Variants in CDC42BPB observed in about 807,000 individuals in gnomAD.
CDC42BPB encodes CDC42 binding protein kinase beta, also known as serine/threonine-protein kinase MRCK beta.
A neutral mutation model predicts 214.9 loss-of-function variants in CDC42BPB; 37 were observed. That is an observed-to-expected ratio of 0.17 (90% CI 0.13 to 0.23). CDC42BPB has a LOEUF of 0.23. Ranked by LOEUF, CDC42BPB falls within the 10% of genes least tolerant of loss-of-function variation. The probability of loss-of-function intolerance (pLI) is 1.00; values close to 1 mark genes in which losing one functional copy is unlikely to be tolerated. For synonymous variants in CDC42BPB, 931 were observed against 884.0 expected (o/e 1.05, Z -0.94); for missense variants, 1,694 against 2,227.0 (o/e 0.76, Z 4.82).
intron 27 of CDC42BPB, among the ~76,000 whole-genome samples, 179 bp downstream of exon 27, chr14:102,947,542 A>G (rs1202026067): frequency 1.3e-5 from 2 of 152,120 alleles, no homozygotes; most frequent in Non-Finnish European, 2.9e-5. Context: ...GCTCCCCGAG[A>G]CGGGCACAGG....
intron 1 of CDC42BPB, among the ~76,000 whole-genome samples, chr14:103,037,564 T>C (rs920089069): frequency 2.0e-5 from 3 of 152,228 alleles, no homozygotes; most frequent in Non-Finnish European, 4.4e-5. Flanking sequence ...ATGTACCTTT[T>C]GTGATTGGTA....
chr14:102,950,390 A>G, intron 25 of CDC42BPB, 76 bp downstream of exon 25: 1 of 1,566,950 alleles, frequency 6.4e-7, no homozygotes. Context: ...GCTGCTTTCA[A>G]GAGTGGCTGG....
rs753065038 is a variant in CDC42BPB at position 102,939,925 on chromosome 14, G to A, written c.4614C>T (p.Asp1538=). 5 of 1,613,966 alleles carry A rather than the reference G, an allele frequency of 3.1e-6. No individual in the cohort carries two copies. In the South Asian group the frequency reaches 3.3e-5, roughly 11 times the overall value. The change falls in exon 33 of 37, where the codon GAC becomes GAT. Residue 1538 remains aspartate (D), a synonymous_variant. Coordinates refer to ENST00000361246, the MANE Select transcript of CDC42BPB (RefSeq NM_006035.4). ...KFSGAVLNVP[D]TSDNSKKQML... ...TCTGCTTCTTGCTGTTGTCGGAGGTGTCCGGCACGTTGAGAACCGCTCCTG... is the reference window on the plus strand; with the variant it reads ...TCTGCTTCTTGCTGTTGTCGGAGGTATCCGGCACGTTGAGAACCGCTCCTG...
rs150680456 is a variant in CDC42BPB, at chr14:102,966,330, G to A, written c.2529C>T (p.Thr843=). ...AACTCCTCAAAGCCTCGAGCTCTTC[G>A]GTCATCTTGGAAGCAAGAGCTTGAA... ...GYLQALASKM[T]EELEALRSSS... is the part of the protein sequence containing the mutation. The change falls in exon 18 of 37, where the codon ACC becomes ACT. Residue 843 remains threonine (T), a synonymous_variant. Coordinates refer to ENST00000361246, the MANE Select transcript of CDC42BPB (RefSeq NM_006035.4). 5 of 1,613,914 alleles carry A rather than the reference G, an allele frequency of 3.1e-6. No individual in the cohort carries two copies. In the African/African-American group the frequency reaches 5.3e-5, roughly 17 times the overall value.
intron 3 of CDC42BPB, 140 bp downstream of exon 3, chr14:103,008,332 A>C (rs1382574426): frequency 3.2e-6 from 2 of 623,810 alleles, no homozygotes; most frequent in African/African-American, 1.8e-5. Context: ...AGACCTCCTC[A>C]AAAGAGAGTG....
intron 1 of CDC42BPB, 44 bp from the exon 2 acceptor site, chr14:103,012,232 C>T (rs1206846845): frequency 6.5e-7 from 1 of 1,531,808 alleles, no homozygotes; most frequent in South Asian, 1.2e-5. Flanking sequence ...CTAATCAGTT[C>T]ATACTATATA....
intron 7 of CDC42BPB, among the ~76,000 whole-genome samples, chr14:102,982,852 C>T (rs769420190): frequency 1.3e-5 from 2 of 152,114 alleles, no homozygotes; most frequent in Non-Finnish European, 2.9e-5. Context: ...GTACTCCAGC[C>T]TGGGCGACAG....
At position 103,004,281 on chromosome 14, in the gene CDC42BPB, C is replaced by T; in HGVS notation, c.352-258G>A. 2.3e-6 allele frequency: 2 copies of T among 872,816 alleles called. No individual in the cohort carries two copies. Among genetic ancestry groups the T allele is most frequent in the Non-Finnish European group, 3.0e-6 (2 of 662,300 alleles). 54.1% of individuals were successfully genotyped at this position (872,816 alleles called of 1,614,324 possible). On this transcript the variant is annotated intron_variant, in intron 3 of 36. Coordinates refer to ENST00000361246, the MANE Select transcript of CDC42BPB (RefSeq NM_006035.4). The surrounding 1 kb of genome is among the most constrained non-coding windows in gnomAD (Gnocchi z 5.3). ...TGTCCCACGGGCACCATTTCTGTGG[C>T]TGACACTTAGATTCACCCCACCCTT...
intron 26 of CDC42BPB, chr14:102,948,010 C>T (rs1009335844): frequency 6.2e-6 from 6 of 974,934 alleles, no homozygotes; most frequent in Non-Finnish European, 7.3e-6. Flanking sequence ...TTAGGGATGC[C>T]GCAAGGGAAA....
rs200227249 is a variant in CDC42BPB, at chr14:102,933,857, G to T, written c.5005-14C>A. The T allele has an allele frequency of 3.4e-5, 52 of 1,513,012 alleles. No homozygotes were observed. In the East Asian group the frequency reaches 1.4e-3, roughly 40 times the overall value. 93.7% of individuals were successfully genotyped at this position (1,513,012 alleles called of 1,614,324 possible). A position where few individuals can be genotyped will look rare whatever the true frequency, so the allele number is the denominator to read the frequency against. Reference sequence around the variant, plus strand: ...GTCCGAATCAGGCTGTGAACAGGAAGAGGGCAGGGTGAGCACCCGCTGCCC... The same window carrying T: ...GTCCGAATCAGGCTGTGAACAGGAATAGGGCAGGGTGAGCACCCGCTGCCC... On this transcript the variant is annotated splice_polypyrimidine_tract_variant and intron_variant, in intron 36 of 36. Coordinates refer to ENST00000361246, the MANE Select transcript of CDC42BPB (RefSeq NM_006035.4).
intron 17 of CDC42BPB, 46 bp from the exon 18 acceptor site, chr14:102,966,433 G>C: frequency 6.2e-7 from 1 of 1,604,148 alleles, no homozygotes; most frequent in Non-Finnish European, 8.5e-7. Flanking sequence ...ATGGCTATCA[G>C]GGAGAAGCCA....
At chr14:102,956,440 A>C in intron 21 of CDC42BPB, 1 of 984,640 alleles carries the variant, frequency 1.0e-6, no homozygotes, top group African/African-American at 1.7e-5. Flanking sequence ...AGTTTCTCAA[A>C]GACAATTTTC....
rs567794217 is a variant in CDC42BPB at position 103,010,608 on chromosome 14, T to C, written c.267+1489A>G. On this transcript the variant is annotated intron_variant, in intron 2 of 36. Transcript: ENST00000361246. ...AGGTTTGCTGTGGGCAGAGCACACC[T>C]GCTGCTGGGATGTGACACAGGGCGT... Among the ~76,000 whole-genome samples, 6 of 152,374 alleles carry C rather than the reference T, an allele frequency of 3.9e-5. No individual in the cohort carries two copies. In the South Asian group the frequency reaches 1.2e-3, roughly 32 times the overall value.
At chr14:102,971,619 C>T (rs929819208) in intron 13 of CDC42BPB, among the ~76,000 whole-genome samples, 2 of 152,236 alleles carry the variant, frequency 1.3e-5, no homozygotes, top group African/African-American at 4.8e-5. Flanking sequence ...TGCCACCTGC[C>T]CTGTGTGGAC....
At chr14:103,016,171 C>T (rs1886447301) in intron 1 of CDC42BPB, among the ~76,000 whole-genome samples, 1 of 152,250 alleles carries the variant, frequency 6.6e-6, no homozygotes. Context: ...AGGAGTGCAG[C>T]CAGCTGACGC....
chr14:103,020,453 G>A (rs751420382), intron 1 of CDC42BPB, among the ~76,000 whole-genome samples: 4 of 152,244 alleles, frequency 2.6e-5, no homozygotes, highest in African/African-American at 7.2e-5. Flanking sequence ...GAGCGCGGGG[G>A]CAGCTGCAGG....
chr14:103,053,739 G>A lies in CDC42BPB; in HGVS notation c.175+3260C>T, dbSNP rs913871121. On this transcript the variant is annotated intron_variant, in intron 1 of 36. Coordinates refer to ENST00000361246, the MANE Select transcript of CDC42BPB (RefSeq NM_006035.4). ...ATCCCGCCACTGCACTCCAGCCTGG[G>A]CGACAGAGTGAGACTCCGTCTCAAA... Among the ~76,000 whole-genome samples the A allele has an allele frequency of 3.2e-4, 48 of 150,518 alleles. 1 individual carries two copies.
chr14:102,941,051 C>T, intron 30 of CDC42BPB: 4 of 922,736 alleles, frequency 4.3e-6, no homozygotes, highest in Non-Finnish European at 5.2e-6. Flanking sequence ...GTTTAAGGGG[C>T]TTTCTCCACG....
rs529283722 is a variant in CDC42BPB, at chr14:102,940,232, G to A, written c.4501C>T (p.Arg1501Trp). Reference protein sequence around the residue: ...TMEWVQTIGLRRIRPLNSEGT... With the variant: ...TMEWVQTIGLWRIRPLNSEGT... Reference sequence around the variant, plus strand: ...GGGCACCGAGGCCGCCTTACCCTCCGCAGGCCGATGGTCTGCACCCACTCC... The same window carrying A: ...GGGCACCGAGGCCGCCTTACCCTCCACAGGCCGATGGTCTGCACCCACTCC... The change falls in exon 31 of 37, where the codon CGG (arginine) becomes TGG (tryptophan). Residue 1501 changes from arginine (R) to tryptophan (W), a missense_variant. Arg to Trp is a moderately radical substitution (Grantham distance 101). Around this residue, in one of 7 missense-constraint regions of CDC42BPB, gnomAD observed 567 missense variants for 790.3 expected, o/e 0.72. Coordinates refer to ENST00000361246, the MANE Select transcript of CDC42BPB (RefSeq NM_006035.4). 94 of 1,602,024 alleles carry A rather than the reference G, an allele frequency of 5.9e-5. No homozygotes were observed. Among genetic ancestry groups the A allele is most frequent in the Middle Eastern group, 3.3e-4 (2 of 6,044 alleles).
Sources: allele counts gnomAD v4.1 joint callset (sites outside exome capture counted in the v4.1 genomes callset), GRCh38; gene constraint gnomAD v4.1.1; regional missense constraint gnomAD v4.1.1; non-coding constraint Gnocchi (gnomAD v3.1); transcripts MANE v1.5; gene names NCBI Gene and HGNC (gene_info 2026-07-23, HGNC 2026-07-21).